Variants in LPP observed in about 807,000 individuals in gnomAD.
LPP encodes the protein LIM domain containing preferred translocation partner in lipoma.
LPP carries 38 observed loss-of-function variants against 60.4 expected under a neutral mutation model. The observed-to-expected ratio is 0.63, with a 90% CI of 0.49 to 0.83. LPP has a LOEUF of 0.83. Ranked by LOEUF, LPP falls within the 40% of genes least tolerant of loss-of-function variation. LPP has a pLI of 0.00. For missense variants in LPP, 902 were observed against 783.6 expected, an observed-to-expected ratio of 1.15 and a Z score of -1.80; for synonymous variants, 328 against 290.8, an observed-to-expected ratio of 1.13 and a Z score of -1.30.
intron 8 of LPP, among the ~76,000 whole-genome samples, chr3:188,757,889 GT>G (rs750488243): frequency 0.011 from 835 of 78,710 alleles, 5 homozygotes; most frequent in East Asian, 0.048. Flanking sequence ...TGTTTTTTTG[GT>G]TTTTTTTTTT....
At chr3:188,561,095 C>G (rs1256995770) in intron 6 of LPP, among the ~76,000 whole-genome samples, 1 of 152,080 alleles carries the variant, frequency 6.6e-6, no homozygotes, top group Non-Finnish European at 1.5e-5. Context: ...CTAGACAAAT[C>G]TGGTTTTTCT....
intron 9 of LPP, among the ~76,000 whole-genome samples, chr3:188,844,342 C>T (rs1760907313): frequency 1.3e-5 from 2 of 152,288 alleles, no homozygotes; most frequent in South Asian, 2.1e-4. Flanking sequence ...TAGGACTCAA[C>T]GTATTTAATA....
Position 188,804,262 on chromosome 3 carries a change from T to TATATATATAA in LPP, c.1410+43989_1410+43990insAATATATATA, listed in dbSNP as rs1553853309. On this transcript the variant is annotated intron_variant, in intron 9 of 11. Coordinates refer to ENST00000617246, the MANE Select transcript of LPP (RefSeq NM_001375462.1). Reference sequence around the variant, plus strand: ...GCATCTTTATATATATATATATATATATATATATATATATATATATAAAAT... The same window carrying TATATATATAA: ...GCATCTTTATATATATATATATATATATATATATAAATATATATATATATATATATAAAAT... Among the ~76,000 whole-genome samples, 128 of 116,364 alleles carry TATATATATAA rather than the reference T, an allele frequency of 1.1e-3. 2 individuals carry two copies. The highest frequency in any genetic ancestry group is 1.7e-3 in the Non-Finnish European group (100 of 57,274). 76.3% of individuals were successfully genotyped at this position (116,364 alleles called of 152,430 possible).
chr3:188,194,028 G>C (rs1340630162), intron 1 of LPP, among the ~76,000 whole-genome samples: 1 of 152,154 alleles, frequency 6.6e-6, no homozygotes, highest in Non-Finnish European at 1.5e-5. Flanking sequence ...ACCATCTTTG[G>C]TCCTTTATGT....
chr3:188,502,269 G>A (rs992633701), intron 5 of LPP, among the ~76,000 whole-genome samples: 3 of 151,918 alleles, frequency 2.0e-5, no homozygotes, highest in Non-Finnish European at 4.4e-5. Context: ...GTAATTTTTG[G>A]TTTATATATT....
At chr3:188,155,742 G>A (rs1169114398) in intron 1 of LPP, among the ~76,000 whole-genome samples, 1 of 152,124 alleles carries the variant, frequency 6.6e-6, no homozygotes, top group Non-Finnish European at 1.5e-5. Context: ...GGCCAGGCAC[G>A]GTGGCTCACG....
chr3:188,511,057 C>T lies in LPP; in HGVS notation c.307-13608C>T, dbSNP rs182015955. 4.9e-3 allele frequency among the ~76,000 whole-genome samples: 703 copies of T among 144,336 alleles called. 16 individuals carry two copies. Among genetic ancestry groups the T allele is most frequent in the Non-Finnish European group, 2.1e-3 (140 of 65,580 alleles). The allele number at this position is 144,336 out of a possible 152,430, so 94.7% of individuals were successfully genotyped here. A position where few individuals can be genotyped will look rare whatever the true frequency, so the allele number is the denominator to read the frequency against. ...CCTCCCTCCCCTTCCTTCTCCCTCT[C>T]CCTCCTTTCCTTTCTTTCTTCCCTC... On this transcript the variant is annotated intron_variant, in intron 5 of 11. Coordinates refer to ENST00000617246, the MANE Select transcript of LPP (RefSeq NM_001375462.1).
At chr3:188,848,843 G>T (rs763575422) in intron 9 of LPP, among the ~76,000 whole-genome samples, 1 of 152,006 alleles carries the variant, frequency 6.6e-6, no homozygotes. Flanking sequence ...GTGCACACCT[G>T]TAGTCCCAGC....
intron 7 of LPP, among the ~76,000 whole-genome samples, chr3:188,662,269 C>T (rs751374473): frequency 2.6e-5 from 4 of 152,116 alleles, no homozygotes; most frequent in Admixed American, 1.3e-4. Context: ...CCTTATTTAT[C>T]CTGAAGTGAT....
intron 6 of LPP, among the ~76,000 whole-genome samples, chr3:188,552,965 A>T (rs1304585366): frequency 6.6e-6 from 1 of 152,166 alleles, no homozygotes; most frequent in Non-Finnish European, 1.5e-5. Context: ...CACAACGTTA[A>T]TGCATGGAGG....
intron 1 of LPP, among the ~76,000 whole-genome samples, chr3:188,224,971 C>A (rs1717198396): frequency 6.6e-6 from 1 of 152,164 alleles, no homozygotes; most frequent in South Asian, 2.1e-4. Context: ...TATCCCTCTG[C>A]TGCTCACTGA....
chr3:188,798,202 G>A (rs1171976635), intron 9 of LPP, among the ~76,000 whole-genome samples: 3 of 152,250 alleles, frequency 2.0e-5, no homozygotes, highest in Admixed American at 6.5e-5. Context: ...TATGAAACGG[G>A]CAATCTGGCC....
At chr3:188,366,374 A>T (rs1309935246) in intron 3 of LPP, among the ~76,000 whole-genome samples, 4 of 152,060 alleles carry the variant, frequency 2.6e-5, no homozygotes, top group Non-Finnish European at 5.9e-5. Flanking sequence ...TGAGACACTG[A>T]TTTTGCCTTA....
chr3:188,481,928 T>C (rs1579236253), intron 4 of LPP, among the ~76,000 whole-genome samples: 1 of 152,198 alleles, frequency 6.6e-6, no homozygotes, highest in East Asian at 1.9e-4. Context: ...TAATATGGTT[T>C]AGCTCTGTGT....
At chr3:188,153,657 C>T (rs1162411771), upstream of LPP, 1 of 152,386 alleles carries the variant, frequency 6.6e-6, no homozygotes. Context: ...AATGCAATGC[C>T]CTCAGTGCGC....
intron 7 of LPP, among the ~76,000 whole-genome samples, chr3:188,684,785 CT>C (rs1016857020): frequency 4.6e-5 from 7 of 151,236 alleles, no homozygotes; most frequent in African/African-American, 1.7e-4. Context: ...CCCTGTGTTA[CT>C]GTGTCATCTC....
chr3:188,721,791 C>T (rs16863555), intron 8 of LPP, among the ~76,000 whole-genome samples: 2,516 of 152,134 alleles, frequency 0.017, 54 homozygotes, highest in African/African-American at 0.057. Flanking sequence ...AGATATTGTT[C>T]CAGGCATCCA....
At chr3:188,847,876 G>A (rs928314132) in intron 9 of LPP, among the ~76,000 whole-genome samples, 1 of 152,170 alleles carries the variant, frequency 6.6e-6, no homozygotes, top group Non-Finnish European at 1.5e-5. Context: ...AACCATTATG[G>A]AGAATTTTGT....
chr3:188,307,029 C>T (rs768538731), intron 2 of LPP, among the ~76,000 whole-genome samples: 1 of 152,206 alleles, frequency 6.6e-6, no homozygotes, highest in African/African-American at 2.4e-5. Context: ...ATATTTTTAA[C>T]TGGTAGAGAT....
Sources: gnomAD v4.1 joint callset for allele counts (sites outside exome capture counted in the v4.1 genomes callset) on GRCh38, gnomAD v4.1.1 for gene constraint, MANE v1.5 for transcripts, NCBI Gene and HGNC (gene_info 2026-07-23, HGNC 2026-07-21) for gene names.